LRBA: variants seen among roughly 807,000 people sequenced by gnomAD.
LRBA encodes the protein lipopolysaccharide-responsive and beige-like anchor protein.
Under a neutral mutation model 330.0 loss-of-function variants are expected in LRBA, and 176 were observed. The observed-to-expected ratio is 0.53, with a 90% confidence interval of 0.47 to 0.60. The LOEUF is 0.60. Among genes scored for constraint, LRBA ranks in the 20% least tolerant of loss-of-function variants. The pLI is 0.00. For synonymous variants in LRBA, 1,230 were observed against 1,193.0 expected (o/e 1.03, Z -0.64); for missense variants, 3,259 against 3,444.8 (o/e 0.95, Z 1.35).
At chr4:150,807,278 A>C (rs1228602470) in intron 32 of LRBA, among the ~76,000 whole-genome samples, 5 of 152,112 alleles carry the variant, frequency 3.3e-5, no homozygotes, top group Non-Finnish European at 5.9e-5. Flanking sequence ...TATCAACACA[A>C]ACATATATAA....
chr4:150,720,868 T>C (rs1056782866), intron 36 of LRBA: 2 of 302,426 alleles, frequency 6.6e-6, no homozygotes, highest in African/African-American at 4.5e-5. Context: ...AGGGAAAATA[T>C]CAGACTGTCC....
intron 51 of LRBA, among the ~76,000 whole-genome samples, chr4:150,313,438 CT>C (rs1480777420): frequency 6.6e-6 from 1 of 152,054 alleles, no homozygotes; most frequent in Non-Finnish European, 1.5e-5. Context: ...GTGATGAAAA[CT>C]TTTAGATGTC....
intron 40 of LRBA, among the ~76,000 whole-genome samples, chr4:150,586,847 C>T (rs1772174744): frequency 6.6e-6 from 1 of 151,934 alleles, no homozygotes; most frequent in African/African-American, 2.4e-5. Flanking sequence ...GAATTAAATC[C>T]CAGTCTTTCT....
intron 40 of LRBA, among the ~76,000 whole-genome samples, chr4:150,576,236 A>T (rs1415221872): frequency 6.6e-6 from 1 of 151,560 alleles, no homozygotes; most frequent in Non-Finnish European, 1.5e-5. Context: ...GAAAATTTTT[A>T]AAAATTTTGC....
At chr4:150,803,062 CAAACAAAA>C (rs1254554588) in intron 33 of LRBA, among the ~76,000 whole-genome samples, 11 of 96,320 alleles carry the variant, frequency 1.1e-4, no homozygotes, top group Non-Finnish European at 1.9e-4. Context: ...AAAACAAAAA[CAAACAAAA>C]AAAAAATATA....
At chr4:150,480,857 C>A (rs1328714040) in intron 42 of LRBA, among the ~76,000 whole-genome samples, 1 of 152,126 alleles carries the variant, frequency 6.6e-6, no homozygotes, top group Non-Finnish European at 1.5e-5. Flanking sequence ...CAAAATCCTC[C>A]TCCTAGCTAT....
chr4:150,690,207 T>A (rs912541644), intron 36 of LRBA, among the ~76,000 whole-genome samples: 1 of 152,006 alleles, frequency 6.6e-6, no homozygotes, highest in East Asian at 1.9e-4. Context: ...AAAACACATA[T>A]AAAAACAGAA....
rs558533312 is a variant in LRBA at position 150,423,062 on chromosome 4, C to T, written c.7042-7472G>A. On this transcript the variant is annotated intron_variant, in intron 46 of 56. Coordinates refer to ENST00000651943, the MANE Select transcript of LRBA (RefSeq NM_001364905.1). ...CAATGGAACTTCTCAGACAGGATGT[C>T]ACAGGTGGGTGTGACCTCTGGGGAA... The T allele has an allele frequency of 5.0e-6, 4 of 796,870 alleles. No individual in the cohort carries two copies. The Admixed American group carries it at 6.8e-5, about 14-fold the overall frequency. The allele number at this position is 796,870 out of a possible 1,614,324, so 49.4% of individuals were successfully genotyped here.
At chr4:150,637,265 G>A (rs1486503877) in intron 37 of LRBA, among the ~76,000 whole-genome samples, 1 of 152,068 alleles carries the variant, frequency 6.6e-6, no homozygotes, top group Non-Finnish European at 1.5e-5. Flanking sequence ...TTTATTTTGG[G>A]ATTATCTGTT....
chr4:150,838,062 C>T (rs2126858670), intron 28 of LRBA, among the ~76,000 whole-genome samples: 1 of 152,236 alleles, frequency 6.6e-6, no homozygotes, highest in African/African-American at 2.4e-5. Context: ...CTTAGTTTGG[C>T]TGGATATGAA....
At chr4:150,314,994 T>C (rs1267658064) in intron 51 of LRBA, 2 of 153,452 alleles carry the variant, frequency 1.3e-5, no homozygotes, top group African/African-American at 2.4e-5. Flanking sequence ...AACACTACCA[T>C]TGGCTGGGCA....
intron 52 of LRBA, among the ~76,000 whole-genome samples, chr4:150,308,209 A>T (rs114647765): frequency 8.3e-4 from 126 of 152,358 alleles, no homozygotes; most frequent in African/African-American, 2.9e-3. Context: ...ATATACAGTC[A>T]TGAGCTTTAT....
At chr4:150,637,791 T>C (rs2126698964) in intron 37 of LRBA, among the ~76,000 whole-genome samples, 1 of 152,276 alleles carries the variant, frequency 6.6e-6, no homozygotes, top group African/African-American at 2.4e-5. Flanking sequence ...TCAGAGATGG[T>C]GGGCCAGAGG....
chr4:150,971,697 T>C (rs937451951), intron 2 of LRBA, among the ~76,000 whole-genome samples: 7 of 152,332 alleles, frequency 4.6e-5, no homozygotes, highest in Non-Finnish European at 1.5e-5. Context: ...CTAAATTTTA[T>C]GTAACAAATA....
intron 37 of LRBA, among the ~76,000 whole-genome samples, chr4:150,645,913 T>A (rs545832190): frequency 1.8e-5 from 2 of 111,190 alleles, no homozygotes; most frequent in East Asian, 6.3e-4. Context: ...AAAAAGAAAT[T>A]CTTCTCATTA....
At chr4:150,838,837 G>A (rs1005704485) in intron 28 of LRBA, among the ~76,000 whole-genome samples, 4 of 152,130 alleles carry the variant, frequency 2.6e-5, no homozygotes, top group Admixed American at 6.6e-5. Context: ...TGCTGGCAAG[G>A]AGTGGCGTTC....
chr4:150,932,227 T>C (rs1451318489), intron 2 of LRBA, among the ~76,000 whole-genome samples: 1 of 151,842 alleles, frequency 6.6e-6, no homozygotes, highest in East Asian at 1.9e-4. Context: ...AGAAACTCTA[T>C]ATGCAAAAAA....
At chr4:150,406,082 T>C (rs545078925) in intron 47 of LRBA, among the ~76,000 whole-genome samples, 94 of 151,954 alleles carry the variant, frequency 6.2e-4, no homozygotes, top group African/African-American at 2.2e-3. Context: ...TTGTAGTCTC[T>C]ATAAATACGA....
intron 40 of LRBA, among the ~76,000 whole-genome samples, chr4:150,554,247 A>G (rs1766999238): frequency 6.6e-6 from 1 of 151,574 alleles, no homozygotes; most frequent in African/African-American, 2.4e-5. Context: ...CACAGGGGAA[A>G]GAGGGGTAAG....
Sources: allele counts gnomAD v4.1 joint callset (sites outside exome capture counted in the v4.1 genomes callset), GRCh38; gene constraint gnomAD v4.1.1; transcripts MANE v1.5; gene names NCBI Gene and HGNC (gene_info 2026-07-23, HGNC 2026-07-21).